The following RYR3 variants were observed in gnomAD, a reference collection of about 807,000 sequenced individuals.
RYR3 encodes brain ryanodine receptor-calcium release channel.
RYR3 carries 207 observed loss-of-function variants against 584.3 expected under a neutral mutation model. The observed-to-expected ratio is 0.35, with a 90% CI of 0.32 to 0.40. The LOEUF is 0.40. Among genes scored for constraint, RYR3 ranks in the 10% least tolerant of loss-of-function variants. The pLI is 1.00. For synonymous variants in RYR3, 2,416 were observed against 2,248.5 expected (o/e 1.07, Z -2.11); for missense variants, 5,616 against 6,089.2 (o/e 0.92, Z 2.59).
chr15:33,769,234 A>C, intron 62 of RYR3, 62 bp downstream of exon 62: 11 of 1,168,060 alleles, frequency 9.4e-6, no homozygotes, highest in Non-Finnish European at 1.4e-5. Context: ...CTCTCATCTC[A>C]CTAATTATAC....
intron 16 of RYR3, 50 bp from the exon 17 acceptor site, chr15:33,601,369 G>A (rs1423737676): frequency 1.3e-6 from 2 of 1,594,288 alleles, no homozygotes; most frequent in Non-Finnish European, 1.7e-6. Context: ...GGTCCTGCCT[G>A]CTGTGCCCTC....
At position 33,752,042 on chromosome 15, in the gene RYR3, A is replaced by G. The variant is rs189431430; in HGVS notation, c.8399+1756A>G. On this transcript the variant is annotated intron_variant, in intron 57 of 103. Coordinates refer to ENST00000634891, the MANE Select transcript of RYR3 (RefSeq NM_001036.6). Reference sequence around the variant, plus strand: ...TTTGTCAAAGATCAGATAGTTGTAGATATGCGGCGTTATTTCTGAGGTCTC... The same window carrying G: ...TTTGTCAAAGATCAGATAGTTGTAGGTATGCGGCGTTATTTCTGAGGTCTC... Among the ~76,000 whole-genome samples, 164 of 152,180 alleles carry G rather than the reference A, an allele frequency of 1.1e-3. 2 individuals are homozygous for G. Among genetic ancestry groups the G allele is most frequent in the African/African-American group, 3.6e-3 (151 of 41,528 alleles).
intron 60 of RYR3, among the ~76,000 whole-genome samples, chr15:33,766,269 T>C (rs1253417079): frequency 1.4e-5 from 2 of 143,534 alleles, no homozygotes; most frequent in African/African-American, 2.7e-5. Flanking sequence ...GACAAGACAG[T>C]GAGTCTCCAC....
At chr15:33,560,981 TGTAAA>T (rs2057370343) in intron 10 of RYR3, among the ~76,000 whole-genome samples, 1 of 152,226 alleles carries the variant, frequency 6.6e-6, no homozygotes, top group Non-Finnish European at 1.5e-5. Context: ...AGAAATTTCT[TGTAAA>T]GTACTAATAT....
chr15:33,577,186 T>C (rs1330008852), intron 12 of RYR3, among the ~76,000 whole-genome samples: 1 of 152,194 alleles, frequency 6.6e-6, no homozygotes, highest in Non-Finnish European at 1.5e-5. Context: ...AAAATGGCCA[T>C]ACTGCCCAAA....
At position 33,827,282 on chromosome 15, in the gene RYR3, C is replaced by T. The variant is rs1391585670; in HGVS notation, c.11329C>T (p.Leu3777=). The change falls in exon 85 of 104, where the codon CTG becomes TTG. Residue 3777 remains leucine (L), a synonymous_variant. Coordinates refer to ENST00000634891, the MANE Select transcript of RYR3 (RefSeq NM_001036.6). ...CAGCACTGTGGACTACCTTCTGCGT[C>T]TGCAGGTGAGTGGGAGGGCCTTGGA... ...IISTVDYLLR[L]QESISDFYWY... 3.9e-6 allele frequency: 6 copies of T among 1,553,098 alleles called. No homozygotes were observed. In the East Asian group the frequency reaches 7.3e-5, roughly 19 times the overall value.
chr15:33,806,920 A>ATT (rs35069939), intron 69 of RYR3, among the ~76,000 whole-genome samples: 3,667 of 141,434 alleles, frequency 0.026, 143 homozygotes, highest in African/African-American at 0.09. Context: ...ACCCAGCTGA[A>ATT]TTTTTTTTTT....
At chr15:33,827,734 C>A (rs1394873380) in intron 85 of RYR3, among the ~76,000 whole-genome samples, 1 of 152,198 alleles carries the variant, frequency 6.6e-6, no homozygotes, top group Non-Finnish European at 1.5e-5. Flanking sequence ...AAAATCTACA[C>A]AAACCTATTA....
Position 33,843,470 on chromosome 15 carries a change from C to CT in RYR3, c.13210-17dup, listed in dbSNP as rs759143860. 4 of 1,566,116 alleles carry CT rather than the reference C, an allele frequency of 2.6e-6. No homozygotes were observed. The East Asian group carries it at 9.0e-5, about 35-fold the overall frequency. On this transcript the variant is annotated splice_polypyrimidine_tract_variant and intron_variant, in intron 91 of 103. Coordinates refer to ENST00000634891, the MANE Select transcript of RYR3 (RefSeq NM_001036.6). ...CCTTCCAAAGCTCTTCTACTTCTGC[C>CT]TGTCCTTTTCTTTGCAGCATTACCT...
intron 1 of RYR3, among the ~76,000 whole-genome samples, chr15:33,376,053 G>T (rs1164436033): frequency 6.6e-6 from 1 of 152,138 alleles, no homozygotes; most frequent in Admixed American, 6.5e-5. Flanking sequence ...AACAGAGTGC[G>T]ACTCCATCTC....
At chr15:33,670,349 A>G in intron 37 of RYR3, 70 bp from the exon 38 acceptor site, 2 of 1,533,928 alleles carry the variant, frequency 1.3e-6, no homozygotes, top group Non-Finnish European at 1.8e-6. Flanking sequence ...AGTTTTTTAA[A>G]TGTTCTTTGT....
At chr15:33,480,772 G>A (rs1251730165) in intron 2 of RYR3, among the ~76,000 whole-genome samples, 1 of 152,120 alleles carries the variant, frequency 6.6e-6, no homozygotes, top group Non-Finnish European at 1.5e-5. Flanking sequence ...CCAGCATATG[G>A]TCTATGTTGG....
intron 46 of RYR3, among the ~76,000 whole-genome samples, chr15:33,726,914 A>C (rs888271591): frequency 6.6e-6 from 1 of 152,264 alleles, no homozygotes; most frequent in Non-Finnish European, 1.5e-5. Flanking sequence ...TTCATAGTGA[A>C]ATAATTCGGA....
intron 62 of RYR3, among the ~76,000 whole-genome samples, chr15:33,769,734 G>A (rs536620744): frequency 8.5e-5 from 13 of 152,264 alleles, no homozygotes; most frequent in South Asian, 6.2e-4. Context: ...CAGGCAGATC[G>A]CTTGAGCTCA....
chr15:33,539,790 G>T (rs1195555965), intron 6 of RYR3, among the ~76,000 whole-genome samples: 1 of 152,026 alleles, frequency 6.6e-6, no homozygotes, highest in South Asian at 2.1e-4. Context: ...AATAAAGGAA[G>T]ACAGAAAAAA....
At chr15:33,530,222 A>G (rs898865751) in intron 3 of RYR3, among the ~76,000 whole-genome samples, 2 of 152,230 alleles carry the variant, frequency 1.3e-5, no homozygotes, top group African/African-American at 4.8e-5. Flanking sequence ...TTGCTAGGCT[A>G]TGGCTACATC....
chr15:33,864,306 T>C (rs1191709301), intron 103 of RYR3, 117 bp downstream of exon 103: 3 of 767,964 alleles, frequency 3.9e-6, no homozygotes, highest in African/African-American at 1.8e-5. Context: ...GTGAATGCAT[T>C]TTCCCATCAC....
rs3085194 is a variant in RYR3, at chr15:33,647,988, C to CAAAAAAAAAA, written c.3978+540_3978+549dup. On this transcript the variant is annotated intron_variant, in intron 30 of 103. Coordinates refer to ENST00000634891, the MANE Select transcript of RYR3 (RefSeq NM_001036.6). ...TCTCTCATTCTTCTTTAGCATCTGG[C>CAAAAAAAAAA]AAAAAAAAAAAAAAAAAAAAAGCCT... 4.1e-5 allele frequency among the ~76,000 whole-genome samples: 4 copies of CAAAAAAAAAA among 98,326 alleles called. 1 individual carries two copies. The highest frequency in any genetic ancestry group is 1.1e-4 in the Admixed American group (1 of 9,078). 64.5% of individuals were successfully genotyped at this position (98,326 alleles called of 152,430 possible).
rs1967260067 is a variant in RYR3, at chr15:33,311,435, C to T, written c.51+339C>T. Among the ~76,000 whole-genome samples the T allele has an allele frequency of 6.6e-6, 1 of 152,200 alleles. No homozygotes were observed. Among genetic ancestry groups the T allele is most frequent in the African/African-American group, 2.4e-5 (1 of 41,452 alleles). On this transcript the variant is annotated intron_variant, in intron 1 of 103. Coordinates refer to ENST00000634891, the MANE Select transcript of RYR3 (RefSeq NM_001036.6). This position sits in a 1 kb window ranked among gnomAD's most constrained non-coding sequence, Gnocchi z 4.4. ...GGGGTTTGTTCGCGGTTGTCCTGAC[C>T]CATAAGATCGGCGTTGGAAGCCCTC... is the stretch of plus-strand genomic sequence containing the variant.
Sources: allele counts gnomAD v4.1 joint callset (sites outside exome capture counted in the v4.1 genomes callset), GRCh38; gene constraint gnomAD v4.1.1; non-coding constraint Gnocchi (gnomAD v3.1); transcripts MANE v1.5; gene names NCBI Gene and HGNC (gene_info 2026-07-23, HGNC 2026-07-21).